BLOC1S5: variants seen among roughly 807,000 people sequenced by gnomAD.
The protein encoded by BLOC1S5 is biogenesis of lysosomal organelles complex 1 subunit 5, also known as biogenesis of lysosome-related organelles complex 1 subunit 5.
BLOC1S5 carries 27 observed loss-of-function variants against 24.3 expected under a neutral mutation model. The observed-to-expected ratio is 1.11, with a 90% CI of 0.82 to 1.53. The LOEUF is 1.53. Among genes scored for constraint, BLOC1S5 ranks in the 40% most tolerant of loss-of-function variants. BLOC1S5 has a pLI of 0.00. For missense variants in BLOC1S5, 239 were observed against 229.4 expected (o/e 1.04, Z -0.27); for synonymous variants, 84 against 74.5 (o/e 1.13, Z -0.66).
chr6:8,021,253 G>A (rs1345290224), intron 4 of BLOC1S5, among the ~76,000 whole-genome samples: 5 of 152,174 alleles, frequency 3.3e-5, no homozygotes, highest in Non-Finnish European at 7.3e-5. Flanking sequence ...GAGAGAAAGG[G>A]GAATGAGGAG....
chr6:8,051,236 A>G (rs890478101), intron 2 of BLOC1S5, among the ~76,000 whole-genome samples: 16 of 152,174 alleles, frequency 1.1e-4, no homozygotes, highest in African/African-American at 3.9e-4. Flanking sequence ...AGAAAGTGAA[A>G]CAGCCTTATT....
intron 4 of BLOC1S5, among the ~76,000 whole-genome samples, chr6:8,017,379 A>G (rs1581390552): frequency 1.3e-5 from 1 of 78,228 alleles, no homozygotes; most frequent in Non-Finnish European, 2.6e-5. Context: ...CTCCGTCTCA[A>G]AAACAAACAC....
chr6:8,063,594 A>AT (rs1205953267), intron 1 of BLOC1S5, among the ~76,000 whole-genome samples: 3 of 152,206 alleles, frequency 2.0e-5, no homozygotes, highest in Non-Finnish European at 4.4e-5. Flanking sequence ...AGTAGAAAAA[A>AT]TAATACAAGC....
intron 3 of BLOC1S5, among the ~76,000 whole-genome samples, chr6:8,040,510 T>C (rs1763640220): frequency 6.6e-6 from 1 of 152,162 alleles, no homozygotes; most frequent in Non-Finnish European, 1.5e-5. Flanking sequence ...TATAATTGCA[T>C]ACTATAAACT....
chr6:8,017,170 T>C (rs997952329), intron 4 of BLOC1S5, among the ~76,000 whole-genome samples: 1 of 152,246 alleles, frequency 6.6e-6, no homozygotes, highest in African/African-American at 2.4e-5. Flanking sequence ...AAAATAACTT[T>C]ATATCCCTAT....
chr6:8,038,118 C>CAA (rs1049667535), intron 3 of BLOC1S5, among the ~76,000 whole-genome samples: 15 of 152,224 alleles, frequency 9.9e-5, no homozygotes, highest in South Asian at 4.2e-4. Flanking sequence ...TGTAAGACCT[C>CAA]AAAAGTAAGG....
chr6:8,018,359 T>C (rs1316678285), intron 4 of BLOC1S5, among the ~76,000 whole-genome samples: 2 of 152,226 alleles, frequency 1.3e-5, no homozygotes, highest in Non-Finnish European at 2.9e-5. Flanking sequence ...TATTTAGCTT[T>C]AGTTGTGTTT....
chr6:8,062,952 CT>C (rs781745578), intron 1 of BLOC1S5, among the ~76,000 whole-genome samples: 43 of 151,938 alleles, frequency 2.8e-4, no homozygotes, highest in Non-Finnish European at 4.4e-5. Context: ...CGCAAAACAC[CT>C]TAACCATACT....
At chr6:8,055,962 A>G (rs1354997432) in intron 2 of BLOC1S5, among the ~76,000 whole-genome samples, 1 of 152,182 alleles carries the variant, frequency 6.6e-6, no homozygotes, top group African/African-American at 2.4e-5. Flanking sequence ...TGATTAGTTC[A>G]TGAGGGCTGT....
chr6:8,030,884 G>C (rs981189246), intron 3 of BLOC1S5, among the ~76,000 whole-genome samples: 1 of 84,730 alleles, frequency 1.2e-5, no homozygotes, highest in Non-Finnish European at 2.6e-5. Flanking sequence ...AAAATCACAT[G>C]ATCATCTCAA....
chr6:8,019,083 T>G (rs1002614096), intron 4 of BLOC1S5, among the ~76,000 whole-genome samples: 2 of 152,242 alleles, frequency 1.3e-5, no homozygotes, highest in African/African-American at 2.4e-5. Context: ...CATATTCAAG[T>G]AGCCTGTTCA....
chr6:8,047,896 A>G (rs1169115421), intron 2 of BLOC1S5, among the ~76,000 whole-genome samples: 3 of 152,234 alleles, frequency 2.0e-5, no homozygotes, highest in Non-Finnish European at 4.4e-5. Context: ...ACTGCCCCCA[A>G]CAACAACTTG....
intron 4 of BLOC1S5, among the ~76,000 whole-genome samples, chr6:8,025,242 C>T (rs1410247652): frequency 6.6e-6 from 1 of 152,186 alleles, no homozygotes; most frequent in Non-Finnish European, 1.5e-5. Flanking sequence ...CTAAAGTTAA[C>T]AAAATCGATC....
chr6:8,053,394 T>C (rs1764197446), intron 2 of BLOC1S5, among the ~76,000 whole-genome samples: 1 of 152,212 alleles, frequency 6.6e-6, no homozygotes, highest in Non-Finnish European at 1.5e-5. Context: ...CCCAACCTTC[T>C]GCAACCACCA....
At chr6:8,046,607 A>C (rs1763907759) in intron 2 of BLOC1S5, among the ~76,000 whole-genome samples, 1 of 152,204 alleles carries the variant, frequency 6.6e-6, no homozygotes, top group Non-Finnish European at 1.5e-5. Context: ...TGAGAGAATA[A>C]TATAACAAAC....
At chr6:8,038,499 A>T (rs7752667) in intron 3 of BLOC1S5, among the ~76,000 whole-genome samples, 5,833 of 152,116 alleles carry the variant, frequency 0.038, 355 homozygotes, top group African/African-American at 0.13. Flanking sequence ...TAATTAATTA[A>T]TTATTGACGG....
intron 2 of BLOC1S5, among the ~76,000 whole-genome samples, chr6:8,060,582 G>A (rs1764477127): frequency 6.6e-6 from 1 of 152,204 alleles, no homozygotes; most frequent in Admixed American, 6.5e-5. Flanking sequence ...GGCTGACGGT[G>A]AGCTGGGTTG....
chr6:8,014,996 A>G lies in BLOC1S5; in HGVS notation c.*653T>C, dbSNP rs1014515471. On this transcript the variant is annotated 3_prime_UTR_variant, in exon 5 of 5. Coordinates refer to ENST00000397457, the MANE Select transcript of BLOC1S5 (RefSeq NM_201280.3). ...AAATAGTAAGTGCTGGAAGGCCACA[A>G]AACTTAACATGTGTCTTCCCATCCA... The G allele has an allele frequency of 4.6e-5, 7 of 152,696 alleles. No individual in the cohort carries two copies. The highest frequency in any genetic ancestry group is 1.7e-4 in the African/African-American group (7 of 41,466). 9.5% of individuals were successfully genotyped at this position (152,696 alleles called of 1,614,324 possible).
chr6:8,057,398 T>C (rs1164782348), intron 2 of BLOC1S5, among the ~76,000 whole-genome samples: 2 of 152,220 alleles, frequency 1.3e-5, no homozygotes, highest in South Asian at 2.1e-4. Flanking sequence ...CAAGGAAGAA[T>C]ATACTAACAT....
Sources: gnomAD v4.1 joint callset for allele counts (sites outside exome capture counted in the v4.1 genomes callset) on GRCh38, gnomAD v4.1.1 for gene constraint, MANE v1.5 for transcripts, NCBI Gene and HGNC (gene_info 2026-07-23, HGNC 2026-07-21) for gene names.